CALN1: variants seen among roughly 807,000 people sequenced by gnomAD.
CALN1 encodes calneuron 1.
Under a neutral mutation model 30.6 loss-of-function variants are expected in CALN1, and 17 were observed. That is an observed-to-expected ratio of 0.56 (90% CI 0.38 to 0.83). CALN1 has a LOEUF of 0.83. Ranked by LOEUF, CALN1 falls within the 40% of genes least tolerant of loss-of-function variation. The pLI, the probability that CALN1 is intolerant of heterozygous loss-of-function variation, is 0.00. For missense variants in CALN1, 291 were observed against 354.9 expected, an observed-to-expected ratio of 0.82 and a Z score of 1.45; for synonymous variants, 156 against 131.4, an observed-to-expected ratio of 1.19 and a Z score of -1.28.
intron 2 of CALN1, among the ~76,000 whole-genome samples, chr7:72,361,878 C>T (rs953303478): frequency 6.6e-6 from 1 of 152,084 alleles, no homozygotes; most frequent in Non-Finnish European, 1.5e-5. Context: ...AATTAGTGGA[C>T]ATTATACATG....
chr7:72,457,488 G>A, the CALN1 span, among the ~76,000 whole-genome samples: 1 of 152,100 alleles, frequency 6.6e-6, no homozygotes. Flanking sequence ...AGTGAGTGCT[G>A]TTCCTCCAGC....
chr7:72,203,875 G>C (rs541839104), intron 3 of CALN1, among the ~76,000 whole-genome samples: 3 of 151,088 alleles, frequency 2.0e-5, no homozygotes, highest in Admixed American at 2.0e-4. Flanking sequence ...AAGCCAGGGG[G>C]TAAAATATAC....
At chr7:71,963,678 C>T (rs181113822) in intron 5 of CALN1, among the ~76,000 whole-genome samples, 30 of 152,272 alleles carry the variant, frequency 2.0e-4, no homozygotes, top group Non-Finnish European at 1.6e-4. Context: ...TTCCCTTACC[C>T]CCTTGGTCAC....
At chr7:72,437,654 TTTC>T (rs1194680409) in intron 1 of CALN1, among the ~76,000 whole-genome samples, 1 of 150,796 alleles carries the variant, frequency 6.6e-6, no homozygotes, top group African/African-American at 2.5e-5. Flanking sequence ...TCTCTCTTTC[TTTC>T]TTTTCTTTCT....
intron 2 of CALN1, among the ~76,000 whole-genome samples, chr7:72,326,167 T>A (rs2129557683): frequency 6.6e-6 from 1 of 152,312 alleles, no homozygotes; most frequent in Non-Finnish European, 1.5e-5. Context: ...CCTCCCAAAG[T>A]GCTGGGATTA....
intron 4 of CALN1, among the ~76,000 whole-genome samples, chr7:72,070,049 C>A (rs189719939): frequency 5.9e-5 from 9 of 152,296 alleles, no homozygotes; most frequent in Non-Finnish European, 1.5e-5. Context: ...AGTCTCCAGG[C>A]AACTCCCTCT....
At chr7:71,976,396 G>A (rs1798104427) in intron 5 of CALN1, among the ~76,000 whole-genome samples, 1 of 152,162 alleles carries the variant, frequency 6.6e-6, no homozygotes, top group Admixed American at 6.5e-5. Context: ...TCCCAGCACT[G>A]AGCCTGGCTC....
chr7:72,426,940 G>A (rs1047901717), intron 1 of CALN1, among the ~76,000 whole-genome samples: 2 of 152,110 alleles, frequency 1.3e-5, no homozygotes, highest in Admixed American at 6.6e-5. Context: ...CCTCCCACAG[G>A]AGCCCCCCAT....
chr7:72,315,628 C>A (rs1290094638), intron 2 of CALN1, among the ~76,000 whole-genome samples: 11 of 151,668 alleles, frequency 7.3e-5, no homozygotes, highest in Admixed American at 7.2e-4. Context: ...TTGCTTCAGC[C>A]CAGGAGTTCG....
chr7:72,328,000 G>GA (rs896367479), intron 2 of CALN1, among the ~76,000 whole-genome samples: 1 of 151,938 alleles, frequency 6.6e-6, no homozygotes, highest in Non-Finnish European at 1.5e-5. Flanking sequence ...GAAATGCATA[G>GA]AAAAAAATCT....
Position 72,041,386 on chromosome 7 carries a change from T to A in CALN1, c.389-17617A>T, listed in dbSNP as rs571593623. Among the ~76,000 whole-genome samples, 11 of 152,094 alleles carry A rather than the reference T, an allele frequency of 7.2e-5. No homozygotes were observed. In the South Asian group the frequency reaches 2.1e-3, roughly 29 times the overall value. ...TCCCTGTCCCCGCCCAAATTTTTTT[T>A]ATTTTTTTTATTTTTGAGACAGCAT... On this transcript the variant is annotated intron_variant, in intron 4 of 6. Transcript: ENST00000395275.
At chr7:71,830,562 G>T (rs763403402) in intron 5 of CALN1, among the ~76,000 whole-genome samples, 25 of 151,970 alleles carry the variant, frequency 1.6e-4, no homozygotes, top group Non-Finnish European at 2.9e-4. Context: ...TGTCCAGGCC[G>T]GTCTTGAACT....
At chr7:72,331,769 T>C (rs1340253365) in intron 2 of CALN1, among the ~76,000 whole-genome samples, 6 of 152,146 alleles carry the variant, frequency 3.9e-5, no homozygotes, top group South Asian at 2.1e-4. Flanking sequence ...ATGTGTACCA[T>C]GGTGGTTTTC....
chr7:72,209,310 C>T (rs199905426), intron 3 of CALN1, among the ~76,000 whole-genome samples: 19 of 21,042 alleles, frequency 9.0e-4, no homozygotes, highest in African/African-American at 2.1e-3. Context: ...CTTTCCTTCC[C>T]TCCTTCCCTC....
intron 3 of CALN1, among the ~76,000 whole-genome samples, chr7:72,111,531 C>G (rs1807574945): frequency 6.6e-6 from 1 of 151,988 alleles, no homozygotes; most frequent in Non-Finnish European, 1.5e-5. Context: ...CATGATAGCT[C>G]ACTGCAGCCT....
rs559227430 is a variant in CALN1, at chr7:72,361,955, C to T, written c.119+41296G>A. ...GATCATATGACACATTTTTTTCTTA[C>T]GCAGTTTTATTCATAATTTTTTTAA... On this transcript the variant is annotated intron_variant, in intron 2 of 6. Coordinates refer to ENST00000395275, the MANE Select transcript of CALN1 (RefSeq NM_031468.4). 3.9e-5 allele frequency among the ~76,000 whole-genome samples: 6 copies of T among 152,082 alleles called. No individual in the cohort carries two copies. In the East Asian group the frequency reaches 5.8e-4, roughly 15 times the overall value.
chr7:71,991,754 G>A (rs71551244), intron 5 of CALN1, among the ~76,000 whole-genome samples: 1 of 152,220 alleles, frequency 6.6e-6, no homozygotes, highest in African/African-American at 2.4e-5. Context: ...ATTTTACTTA[G>A]AGGAAGGTTG....
intron 5 of CALN1, among the ~76,000 whole-genome samples, chr7:71,979,618 G>GT (rs1248050840): frequency 6.6e-6 from 1 of 152,148 alleles, no homozygotes; most frequent in Non-Finnish European, 1.5e-5. Context: ...ACCTCTTGCT[G>GT]TGCAGCCTGC....
At chr7:71,985,858 G>A (rs962811642) in intron 5 of CALN1, among the ~76,000 whole-genome samples, 2 of 151,782 alleles carry the variant, frequency 1.3e-5, no homozygotes, top group Admixed American at 6.6e-5. Context: ...CCAAAGTGCT[G>A]GGATTACAGG....
Sources: gnomAD v4.1 joint callset for allele counts (sites outside exome capture counted in the v4.1 genomes callset) on GRCh38, gnomAD v4.1.1 for gene constraint, MANE v1.5 for transcripts, NCBI Gene and HGNC (gene_info 2026-07-23, HGNC 2026-07-21) for gene names.